Variants in ZZEF1 observed in about 807,000 individuals in gnomAD.
ZZEF1 encodes the protein zinc finger ZZ-type and EF-hand domain-containing protein 1.
ZZEF1 carries 157 observed loss-of-function variants against 342.8 expected under a neutral mutation model. The observed-to-expected ratio is 0.46, with a 90% CI of 0.40 to 0.52. The LOEUF (loss-of-function observed/expected upper bound fraction) is 0.52. Ranked by LOEUF, ZZEF1 falls within the 20% of genes least tolerant of loss-of-function variation. ZZEF1 has a pLI of 0.00. For missense variants in ZZEF1, 3,480 were observed against 3,725.6 expected, an observed-to-expected ratio of 0.93 and a Z score of 1.72; for synonymous variants, 1,505 against 1,429.1, an observed-to-expected ratio of 1.05 and a Z score of -1.20.
intron 43 of ZZEF1, among the ~76,000 whole-genome samples, chr17:4,023,568 C>T (rs2056324492): frequency 6.7e-6 from 1 of 148,586 alleles, no homozygotes; most frequent in Non-Finnish European, 1.5e-5. Flanking sequence ...GCCTGTAACC[C>T]CAGCACTTCA....
intron 41 of ZZEF1, 36 bp downstream of exon 41, chr17:4,032,792 G>C (rs766565982): frequency 7.5e-6 from 12 of 1,606,906 alleles, no homozygotes; most frequent in Non-Finnish European, 1.0e-5. Flanking sequence ...AGACTGGAAG[G>C]GGTGACCAGG....
intron 2 of ZZEF1, among the ~76,000 whole-genome samples, chr17:4,120,496 T>C (rs997865493): frequency 6.6e-6 from 1 of 152,162 alleles, no homozygotes; most frequent in Admixed American, 6.6e-5. Flanking sequence ...GCTCACACAA[T>C]CACAAGGCAA....
At chr17:4,104,032 C>T (rs542948939) in intron 8 of ZZEF1, among the ~76,000 whole-genome samples, 1 of 152,186 alleles carries the variant, frequency 6.6e-6, no homozygotes, top group Non-Finnish European at 1.5e-5. Flanking sequence ...AAGTGCTGCA[C>T]TGCAGTCTTT....
At chr17:4,078,952 T>C (rs1007247343) in intron 18 of ZZEF1, among the ~76,000 whole-genome samples, 1 of 152,198 alleles carries the variant, frequency 6.6e-6, no homozygotes. Context: ...AAAAGATAAT[T>C]CAGGGAAACA....
At chr17:4,122,536 T>C (rs2058500803) in intron 2 of ZZEF1, among the ~76,000 whole-genome samples, 1 of 152,072 alleles carries the variant, frequency 6.6e-6, no homozygotes, top group Non-Finnish European at 1.5e-5. Context: ...TGCACCAACA[T>C]GCCCAGCTAA....
intron 42 of ZZEF1, among the ~76,000 whole-genome samples, chr17:4,026,664 G>A (rs2056412864): frequency 6.6e-6 from 1 of 151,840 alleles, no homozygotes; most frequent in African/African-American, 2.4e-5. Context: ...TGGGATTACA[G>A]GTGTCCACCA....
rs1006153710 is a variant in ZZEF1, at chr17:4,004,832, C to A, written c.*2058G>T. 2.6e-5 allele frequency: 4 copies of A among 152,354 alleles called. No individual in the cohort carries two copies. Among genetic ancestry groups the A allele is most frequent in the Admixed American group, 2.6e-4 (4 of 15,302 alleles). 9.4% of individuals were successfully genotyped at this position (152,354 alleles called of 1,614,324 possible). ...TGGCCGGAGACAGAGGCGGCCGGGC[C>A]GAGCCGGGAGAGCAGCCGCGGGTGC... On this transcript the variant is annotated 3_prime_UTR_variant, in exon 55 of 55. Transcript: ENST00000381638.
chr17:4,121,969 G>A (rs1467252367), intron 2 of ZZEF1, among the ~76,000 whole-genome samples: 3 of 152,052 alleles, frequency 2.0e-5, no homozygotes, highest in African/African-American at 7.2e-5. Flanking sequence ...CTTCCACTTC[G>A]GCTTCCCAAA....
In ZZEF1 at chr17:4,021,113, T is replaced by C. The variant is rs745593903; in HGVS notation, c.7404+16A>G. 8 of 1,578,090 alleles carry C rather than the reference T, an allele frequency of 5.1e-6. No homozygotes were observed. The South Asian group carries it at 9.2e-5, about 18-fold the overall frequency. ...CAGAAGCCCCTCCTAAGCCACAAGA[T>C]GACTCAAGAACACACCAAGAAACAT... On this transcript the variant is annotated intron_variant, in intron 45 of 54. Transcript: ENST00000381638.
At chr17:4,021,946 T>C (rs746900453) in intron 44 of ZZEF1, among the ~76,000 whole-genome samples, 4 of 151,778 alleles carry the variant, frequency 2.6e-5, no homozygotes, top group Non-Finnish European at 5.9e-5. Flanking sequence ...TTTTTTTTTC[T>C]TTTATAAAGT....
intron 1 of ZZEF1, among the ~76,000 whole-genome samples, chr17:4,141,500 C>G (rs1190183870): frequency 2.6e-5 from 4 of 151,924 alleles, no homozygotes; most frequent in African/African-American, 9.7e-5. Flanking sequence ...GAAATAGGAT[C>G]CCAGGAAGGA....
chr17:4,022,915 TTTCA>T, intron 43 of ZZEF1, 87 bp from the exon 44 acceptor site: 1 of 1,519,690 alleles, frequency 6.6e-7, no homozygotes, highest in Non-Finnish European at 8.9e-7. Context: ...TCATTCACTC[TTTCA>T]TTCATTCGTC....
intron 2 of ZZEF1, among the ~76,000 whole-genome samples, chr17:4,120,281 C>A (rs554614521): frequency 2.0e-5 from 3 of 151,560 alleles, no homozygotes; most frequent in African/African-American, 7.3e-5. Context: ...TGCTTGAATC[C>A]GGGAGGCAGA....
chr17:4,121,519 G>T (rs180807174), intron 2 of ZZEF1, among the ~76,000 whole-genome samples: 1 of 152,070 alleles, frequency 6.6e-6, no homozygotes, highest in African/African-American at 2.4e-5. Flanking sequence ...CCAGCTACTC[G>T]GGAGGCTGAG....
Position 4,117,152 on chromosome 17 carries a change from A to G in ZZEF1, c.514T>C (p.Phe172Leu). 1 of 1,612,612 alleles carries G rather than the reference A, an allele frequency of 6.2e-7. No homozygotes were observed. The highest frequency in any genetic ancestry group is 8.5e-7 in the Non-Finnish European group (1 of 1,179,010). ...CSLVPGFTDIFSESKEGLDIH... is the reference protein window; with the variant it reads ...CSLVPGFTDILSESKEGLDIH... Reference sequence around the variant, plus strand: ...TCAAGGCCCTCCTTCGACTCTGAAAATATGTCTGTGAAACCTAAACAGATG... The same window carrying G: ...TCAAGGCCCTCCTTCGACTCTGAAAGTATGTCTGTGAAACCTAAACAGATG... Residue 172 changes from phenylalanine to leucine, a missense_variant, in exon 3 of 55, where the codon TTT becomes CTT. By Grantham distance (22) the Phe-to-Leu change is conservative. Coordinates refer to ENST00000381638, the MANE Select transcript of ZZEF1 (RefSeq NM_015113.4).
rs201307600 is a variant in ZZEF1, at chr17:4,017,876, G to A, written c.7601C>T (p.Ala2534Val). Residue 2534 changes from alanine (A) to valine (V), a missense_variant, in exon 47 of 55, where the codon GCC becomes GTC. By Grantham distance (64) the Ala-to-Val change is moderately conservative (BLOSUM62 0). Around this residue, in one of 5 missense-constraint regions of ZZEF1, gnomAD observed 1,269 missense variants for 1,342.4 expected, o/e 0.95. Coordinates refer to ENST00000381638, the MANE Select transcript of ZZEF1 (RefSeq NM_015113.4). This position sits in a 1 kb window ranked among gnomAD's most constrained non-coding sequence, Gnocchi z 5.1. ...AATCATGTCTGTATCCACAGCTTTG[G>A]CGCTCTGTTCTTCCAGCCTCAGACT... ...SKSLRLEEQS[A>V]KAVDTDMIIL... 63 of 1,614,032 alleles carry A rather than the reference G, an allele frequency of 3.9e-5. No homozygotes were observed. Among genetic ancestry groups the A allele is most frequent in the Non-Finnish European group, 1.5e-5 (18 of 1,180,032 alleles).
chr17:4,013,082 C>G (rs1164398496), intron 52 of ZZEF1, among the ~76,000 whole-genome samples: 1 of 96,210 alleles, frequency 1.0e-5, no homozygotes, highest in African/African-American at 4.1e-5. Flanking sequence ...GAGTGAGACT[C>G]TGTCTCAAAA....
chr17:4,101,099 G>C (rs1302564369), intron 9 of ZZEF1, among the ~76,000 whole-genome samples: 1 of 152,152 alleles, frequency 6.6e-6, no homozygotes, highest in South Asian at 2.1e-4. Context: ...AAACGTTTCT[G>C]CACAGGCTGA....
Position 4,044,343 on chromosome 17 carries a change from G to C in ZZEF1, c.6047C>G (p.Pro2016Arg). The C allele has an allele frequency of 6.2e-7, 1 of 1,613,552 alleles. No homozygotes were observed. Among genetic ancestry groups the C allele is most frequent in the Non-Finnish European group, 8.5e-7 (1 of 1,179,838 alleles). Residue 2016 changes from proline (P) to arginine (R), a missense_variant, in exon 38 of 55, where the codon CCT becomes CGT. This residue lies in a region of ZZEF1 where 1,269 missense variants were observed against 1,342.4 expected (regional missense o/e 0.95). Transcript: ENST00000381638. Reference protein sequence around the residue: ...GKRAVHEEIRPVDFKQRNKAD... With the variant: ...GKRAVHEEIRRVDFKQRNKAD... Reference sequence around the variant, plus strand: ...CTTATTTCTCTGCTTGAAATCTACAGGTCTGATTTCCTCATGAACAGCTCT... The same window carrying C: ...CTTATTTCTCTGCTTGAAATCTACACGTCTGATTTCCTCATGAACAGCTCT...
Sources: gnomAD v4.1 joint callset for allele counts (sites outside exome capture counted in the v4.1 genomes callset) on GRCh38, gnomAD v4.1.1 for gene constraint, gnomAD v4.1.1 regional missense constraint, Gnocchi (gnomAD v3.1) non-coding constraint, MANE v1.5 for transcripts, NCBI Gene and HGNC (gene_info 2026-07-23, HGNC 2026-07-21) for gene names.